OSBPL10: variants seen among roughly 807,000 people sequenced by gnomAD.
OSBPL10 encodes the protein oxysterol-binding protein-related protein 10.
In OSBPL10, 49 loss-of-function variants were observed where a neutral mutation model predicts 81.7. The ratio of observed to expected loss-of-function variants is 0.60; its 90% CI spans 0.48 to 0.76. OSBPL10 has a LOEUF of 0.76. Among genes scored for constraint, OSBPL10 ranks in the 30% least tolerant of loss-of-function variants. The pLI is 0.00. For synonymous variants in OSBPL10, 419 were observed against 383.6 expected, an observed-to-expected ratio of 1.09 and a Z score of -1.08; for missense variants, 923 against 987.8, an observed-to-expected ratio of 0.93 and a Z score of 0.88.
chr3:31,993,974 C>A (rs2125525238), intron 2 of OSBPL10, among the ~76,000 whole-genome samples: 1 of 152,220 alleles, frequency 6.6e-6, no homozygotes, highest in South Asian at 2.1e-4. Flanking sequence ...ACCCAAAGAT[C>A]CCTCAACTGG....
At chr3:31,968,619 A>T (rs1233787432) in intron 1 of OSBPL10, among the ~76,000 whole-genome samples, 1 of 152,224 alleles carries the variant, frequency 6.6e-6, no homozygotes, top group East Asian at 1.9e-4. Flanking sequence ...CTTTACGTTC[A>T]ACCCATAAAA....
At chr3:31,806,691 G>A (rs1310394816) in intron 4 of OSBPL10, among the ~76,000 whole-genome samples, 1 of 152,052 alleles carries the variant, frequency 6.6e-6, no homozygotes, top group Non-Finnish European at 1.5e-5. Context: ...CAAGGCAAGG[G>A]CATAGAGAGT....
chr3:32,063,633 C>T (rs1295565031), intron 1 of OSBPL10, among the ~76,000 whole-genome samples: 4 of 91,978 alleles, frequency 4.3e-5, no homozygotes, highest in African/African-American at 1.1e-4. Context: ...ATTGTAATCC[C>T]TATATGTGAA....
chr3:31,783,142 T>C (rs907608189), intron 4 of OSBPL10, among the ~76,000 whole-genome samples: 1,613 of 93,762 alleles, frequency 0.017, 43 homozygotes, highest in African/African-American at 0.06. Context: ...TATATATATA[T>C]ATATACACAC....
At chr3:32,060,286 T>G (rs909635168) in intron 1 of OSBPL10, among the ~76,000 whole-genome samples, 4 of 152,240 alleles carry the variant, frequency 2.6e-5, no homozygotes, top group African/African-American at 9.6e-5. Flanking sequence ...TCCGGCCTCC[T>G]TGGCACCAGT....
chr3:31,778,266 A>G (rs1698598557), intron 4 of OSBPL10, among the ~76,000 whole-genome samples: 1 of 152,144 alleles, frequency 6.6e-6, no homozygotes, highest in East Asian at 1.9e-4. Flanking sequence ...ATCCCTAGTG[A>G]CAGAGGCAGC....
intron 6 of OSBPL10, among the ~76,000 whole-genome samples, chr3:31,706,305 A>G (rs1032253347): frequency 6.6e-6 from 1 of 152,190 alleles, no homozygotes; most frequent in African/African-American, 2.4e-5. Context: ...ATCCACCCCC[A>G]TCCTTGAAAT....
At chr3:31,712,795 T>A (rs1696302795) in intron 6 of OSBPL10, among the ~76,000 whole-genome samples, 2 of 152,268 alleles carry the variant, frequency 1.3e-5, no homozygotes, top group African/African-American at 4.8e-5. Flanking sequence ...CATCTCAGAC[T>A]TACTGTGTCT....
At chr3:31,751,339 C>T (rs777712144) in intron 4 of OSBPL10, among the ~76,000 whole-genome samples, 1 of 151,750 alleles carries the variant, frequency 6.6e-6, no homozygotes, top group Non-Finnish European at 1.5e-5. Flanking sequence ...AGAGTGAGAC[C>T]TTGTCTCAAA....
chr3:31,763,400 A>G (rs928968891), intron 4 of OSBPL10, among the ~76,000 whole-genome samples: 1 of 152,138 alleles, frequency 6.6e-6, no homozygotes, highest in Admixed American at 6.6e-5. Flanking sequence ...AAATTAAACC[A>G]TTTTCTTCAG....
intron 4 of OSBPL10, among the ~76,000 whole-genome samples, chr3:31,801,263 T>C (rs1224004684): frequency 6.6e-6 from 1 of 152,154 alleles, no homozygotes. Context: ...TGACATACTA[T>C]TGTGGTCCCC....
intron 2 of OSBPL10, among the ~76,000 whole-genome samples, chr3:32,019,713 A>G (rs1255083453): frequency 6.6e-6 from 1 of 152,214 alleles, no homozygotes; most frequent in African/African-American, 2.4e-5. Flanking sequence ...TAATGATGCA[A>G]TTATAAAAAA....
intron 8 of OSBPL10, among the ~76,000 whole-genome samples, chr3:31,678,870 T>C (rs1447442401): frequency 6.6e-6 from 1 of 151,228 alleles, no homozygotes; most frequent in Non-Finnish European, 1.5e-5. Flanking sequence ...CTTGCCTCTC[T>C]GCTTCTATCT....
Position 31,775,810 on chromosome 3 carries a change from G to A in OSBPL10, c.730-27690C>T, listed in dbSNP as rs553054328. On this transcript the variant is annotated intron_variant, in intron 4 of 11. Transcript: ENST00000396556. ...CTTACTCCATTTCCAGGCCTTGGAG[G>A]AGCGGGAGAGAGAATGCTGCCACCA... is the stretch of plus-strand genomic sequence containing the variant. Among the ~76,000 whole-genome samples the A allele has an allele frequency of 2.4e-4, 36 of 152,304 alleles. No individual in the cohort carries two copies. In the East Asian group the frequency reaches 6.8e-3, roughly 29 times the overall value.
chr3:31,738,174 C>A (rs1697242479), intron 5 of OSBPL10, among the ~76,000 whole-genome samples: 1 of 151,842 alleles, frequency 6.6e-6, no homozygotes, highest in South Asian at 2.1e-4. Context: ...AGCCACCACA[C>A]TCCAGCAAAA....
At chr3:31,796,787 T>C (rs1347343214) in intron 4 of OSBPL10, among the ~76,000 whole-genome samples, 2 of 152,010 alleles carry the variant, frequency 1.3e-5, no homozygotes, top group Non-Finnish European at 2.9e-5. Context: ...CTGGTATAGG[T>C]ACACACCCAA....
intron 1 of OSBPL10, among the ~76,000 whole-genome samples, chr3:32,057,609 A>T (rs1041443875): frequency 3.3e-5 from 5 of 152,168 alleles, no homozygotes; most frequent in African/African-American, 1.2e-4. Context: ...AAACCATCAG[A>T]TCTCATGAGA....
intron 1 of OSBPL10, among the ~76,000 whole-genome samples, chr3:31,911,637 A>C (rs1337683331): frequency 6.6e-6 from 1 of 152,170 alleles, no homozygotes; most frequent in Non-Finnish European, 1.5e-5. Context: ...AAAAAAAAAA[A>C]AACTCATGTT....
In OSBPL10 at chr3:31,967,057, A is replaced by T. The variant is rs568389171; in HGVS notation, c.281+13842T>A. 8.4e-4 allele frequency among the ~76,000 whole-genome samples: 128 copies of T among 152,240 alleles called. No homozygotes were observed. The South Asian group carries it at 0.01, about 12-fold the overall frequency. ...TAAAACACATTTTACTACACAAATA[A>T]CAAAGATTTAAGCTGTTACTTCTGA... On this transcript the variant is annotated intron_variant, in intron 1 of 11. Transcript: ENST00000396556.
Sources: allele counts gnomAD v4.1 joint callset (sites outside exome capture counted in the v4.1 genomes callset), GRCh38; gene constraint gnomAD v4.1.1; transcripts MANE v1.5; gene names NCBI Gene and HGNC (gene_info 2026-07-23, HGNC 2026-07-21).